Variants in METTL8 observed in about 807,000 individuals in gnomAD.
METTL8 encodes tRNA N(3)-cytidine methyltransferase METTL8, mitochondrial.
Under a neutral mutation model 48.7 loss-of-function variants are expected in METTL8, and 32 were observed. That is an observed-to-expected ratio of 0.66 (90% confidence interval 0.50 to 0.88). The LOEUF is 0.88. METTL8 is among the 40% of genes least tolerant of loss of function. The pLI is 0.00. For missense variants in METTL8, 464 were observed against 474.4 expected, an observed-to-expected ratio of 0.98 and a Z score of 0.20; for synonymous variants, 136 against 157.1, an observed-to-expected ratio of 0.87 and a Z score of 1.01.
At chr2:171,349,810 A>G (rs1415782795) in intron 3 of METTL8, among the ~76,000 whole-genome samples, 1 of 152,086 alleles carries the variant, frequency 6.6e-6, no homozygotes, top group Non-Finnish European at 1.5e-5. Flanking sequence ...ATTTCTCCAA[A>G]GCCTTGTCAA....
intron 3 of METTL8, among the ~76,000 whole-genome samples, chr2:171,351,468 A>G (rs1683906062): frequency 6.6e-6 from 1 of 152,032 alleles, no homozygotes; most frequent in African/African-American, 2.4e-5. Context: ...TTCCATATGA[A>G]CTTTCAAGTA....
At chr2:171,328,775 T>C (rs1485472232) in intron 7 of METTL8, among the ~76,000 whole-genome samples, 1 of 152,096 alleles carries the variant, frequency 6.6e-6, no homozygotes, top group African/African-American at 2.4e-5. Flanking sequence ...CTGCAGCCTC[T>C]GCCTTCCAGT....
At chr2:171,377,248 A>G (rs1460902713) in intron 2 of METTL8, among the ~76,000 whole-genome samples, 1 of 152,228 alleles carries the variant, frequency 6.6e-6, no homozygotes, top group Non-Finnish European at 1.5e-5. Flanking sequence ...AAAATTCTAG[A>G]AGATAACATC....
chr2:171,420,319 A>G (rs1413865232), intron 1 of METTL8, among the ~76,000 whole-genome samples: 1 of 152,208 alleles, frequency 6.6e-6, no homozygotes, highest in Non-Finnish European at 1.5e-5. Flanking sequence ...CCGCTAGACT[A>G]TTCTTTTGTC....
chr2:171,339,145 T>C (rs745485296), intron 4 of METTL8, 39 bp downstream of exon 4: 10 of 1,414,134 alleles, frequency 7.1e-6, no homozygotes, highest in Non-Finnish European at 9.3e-6. Flanking sequence ...ATTTTCAAAT[T>C]ATTTGTCACC....
chr2:171,355,234 C>T (rs111607858), intron 3 of METTL8, among the ~76,000 whole-genome samples: 65 of 152,354 alleles, frequency 4.3e-4, no homozygotes, highest in African/African-American at 1.6e-3. Context: ...TGGAGGTCCA[C>T]TCCGGACCCT....
At chr2:171,335,975 G>A (rs1176902922) in intron 5 of METTL8, among the ~76,000 whole-genome samples, 1 of 152,164 alleles carries the variant, frequency 6.6e-6, no homozygotes, top group African/African-American at 2.4e-5. Context: ...TTGGCAGATT[G>A]GCCATAGATA....
chr2:171,353,143 T>A (rs71631575), intron 3 of METTL8, among the ~76,000 whole-genome samples: 1 of 152,224 alleles, frequency 6.6e-6, no homozygotes, highest in African/African-American at 2.4e-5. Flanking sequence ...GCTTTAAATG[T>A]GTCCCAGAGA....
intron 2 of METTL8, among the ~76,000 whole-genome samples, chr2:171,387,542 T>TA (rs1559155544): frequency 7.2e-5 from 10 of 139,082 alleles, no homozygotes; most frequent in South Asian, 4.4e-4. Flanking sequence ...TTAAAAAAAA[T>TA]TAAAAAAAAA....
intron 7 of METTL8, among the ~76,000 whole-genome samples, chr2:171,329,619 G>C (rs1035183364): frequency 6.6e-6 from 1 of 152,198 alleles, no homozygotes; most frequent in Non-Finnish European, 1.5e-5. Context: ...TCTTATTTCA[G>C]ATTTATTTGG....
At chr2:171,337,726 C>T (rs1310129408) in intron 4 of METTL8, among the ~76,000 whole-genome samples, 1 of 148,650 alleles carries the variant, frequency 6.7e-6, no homozygotes, top group African/African-American at 2.5e-5. Context: ...CAAAATAAAC[C>T]AAATTTAAAA....
At chr2:171,382,638 A>G (rs1687668002) in intron 2 of METTL8, among the ~76,000 whole-genome samples, 1 of 152,098 alleles carries the variant, frequency 6.6e-6, no homozygotes, top group African/African-American at 2.4e-5. Context: ...GGGTTGACAG[A>G]TGCAGCAAAC....
intron 3 of METTL8, among the ~76,000 whole-genome samples, chr2:171,343,607 T>C (rs1374321814): frequency 6.6e-6 from 1 of 152,136 alleles, no homozygotes; most frequent in African/African-American, 2.4e-5. Flanking sequence ...ATTTAATCAT[T>C]ATTAGGTAGC....
At chr2:171,385,788 T>C (rs1687993593) in intron 2 of METTL8, among the ~76,000 whole-genome samples, 1 of 152,238 alleles carries the variant, frequency 6.6e-6, no homozygotes, top group African/African-American at 2.4e-5. Flanking sequence ...GTGCTGTTGA[T>C]GCTCCAGGCC....
At chr2:171,427,355 T>G (rs1692521295) in intron 1 of METTL8, among the ~76,000 whole-genome samples, 1 of 152,194 alleles carries the variant, frequency 6.6e-6, no homozygotes, top group Non-Finnish European at 1.5e-5. Context: ...TCTATAGCCA[T>G]AATGACCTTT....
chr2:171,380,422 T>A (rs59235233), intron 2 of METTL8, among the ~76,000 whole-genome samples: 8,268 of 152,146 alleles, frequency 0.054, 242 homozygotes, highest in African/African-American at 0.072. Context: ...GAGAAAGAAA[T>A]AAAGTGTATT....
chr2:171,364,206 A>T (rs1685494071), intron 2 of METTL8, among the ~76,000 whole-genome samples: 1 of 152,190 alleles, frequency 6.6e-6, no homozygotes, highest in Non-Finnish European at 1.5e-5. Context: ...ATTATGTTTG[A>T]ATAGGAGTAA....
At chr2:171,376,683 T>G (rs555441106) in intron 2 of METTL8, among the ~76,000 whole-genome samples, 32 of 152,244 alleles carry the variant, frequency 2.1e-4, no homozygotes, top group African/African-American at 7.2e-4. Flanking sequence ...TACAAAACAC[T>G]GCTGAAAGAA....
intron 1 of METTL8, among the ~76,000 whole-genome samples, chr2:171,402,437 C>T (rs979859957): frequency 6.6e-6 from 1 of 152,018 alleles, no homozygotes; most frequent in Non-Finnish European, 1.5e-5. Context: ...TTGGCAGAAG[C>T]CAGGTTTCTC....
Sources: allele counts gnomAD v4.1 joint callset (sites outside exome capture counted in the v4.1 genomes callset), GRCh38; gene constraint gnomAD v4.1.1; transcripts MANE v1.5; gene names NCBI Gene and HGNC (gene_info 2026-07-23, HGNC 2026-07-21).